The following LRP4 variants were observed in gnomAD, a reference collection of about 807,000 sequenced individuals.
LRP4 encodes the protein LDL receptor related protein 4.
LRP4 carries 95 observed loss-of-function variants against 220.3 expected under a neutral mutation model. The ratio of observed to expected loss-of-function variants is 0.43; its 90% CI spans 0.37 to 0.51. The LOEUF is 0.51. Ranked by LOEUF, LRP4 falls within the 20% of genes least tolerant of loss-of-function variation. LRP4 has a pLI of 0.00. For missense variants in LRP4, 1,925 were observed against 2,567.0 expected (o/e 0.75, Z 5.40); for synonymous variants, 903 against 954.6 (o/e 0.95, Z 1.00).
In LRP4 at chr11:46,858,950, G is replaced by A. The variant is rs190583912; in HGVS notation, c.*33C>T. The A allele has an allele frequency of 6.2e-7, 1 of 1,600,876 alleles. No homozygotes were observed. The highest frequency in any genetic ancestry group is 1.3e-5 in the African/African-American group (1 of 74,782). On this transcript the variant is annotated 3_prime_UTR_variant, in exon 38 of 38. Transcript: ENST00000378623. ...AGGACTAGACGTCCATAAAGGAGAA[G>A]GAACAGGCAGGCAGGGAAGAGAATG...
chr11:46,917,589 G>C (rs1941967186), intron 1 of LRP4, among the ~76,000 whole-genome samples: 1 of 152,136 alleles, frequency 6.6e-6, no homozygotes, highest in Non-Finnish European at 1.5e-5. Context: ...CCGGCCCCCT[G>C]CCCCCCTACC....
In LRP4 at chr11:46,899,556, C is replaced by G. The variant is rs758611098; in HGVS notation, c.431-53G>C. 84 of 1,228,316 alleles carry G rather than the reference C, an allele frequency of 6.8e-5. No homozygotes were observed. The highest frequency in any genetic ancestry group is 9.3e-5 in the Non-Finnish European group (78 of 836,264). 76.1% of individuals were successfully genotyped at this position (1,228,316 alleles called of 1,614,324 possible). ...CTGAGGGGGCCCCACAGGCAACCCTCTCACCCTCCTCTCTGACTCCCAACC... is the reference window on the plus strand; with the variant it reads ...CTGAGGGGGCCCCACAGGCAACCCTGTCACCCTCCTCTCTGACTCCCAACC... On this transcript the variant is annotated intron_variant, in intron 4 of 37. Coordinates refer to ENST00000378623, the MANE Select transcript of LRP4 (RefSeq NM_002334.4). The surrounding 1 kb of genome is among the most constrained non-coding windows in gnomAD (Gnocchi z 5.9).
At chr11:46,892,098 T>TTTA (rs1465054151) in intron 13 of LRP4, among the ~76,000 whole-genome samples, 1 of 152,016 alleles carries the variant, frequency 6.6e-6, no homozygotes, top group East Asian at 1.9e-4. Context: ...GCCAGGCTAA[T>TTTA]TTAGAAAACA....
chr11:46,899,084 G>A lies in LRP4; in HGVS notation c.548-52C>T, dbSNP rs772368450. The A allele has an allele frequency of 6.4e-7, 1 of 1,562,286 alleles. No homozygotes were observed. Among genetic ancestry groups the A allele is most frequent in the Non-Finnish European group, 8.8e-7 (1 of 1,142,132 alleles). On this transcript the variant is annotated intron_variant, in intron 5 of 37. Coordinates refer to ENST00000378623, the MANE Select transcript of LRP4 (RefSeq NM_002334.4). This position sits in a 1 kb window ranked among gnomAD's most constrained non-coding sequence, Gnocchi z 5.9. ...GGCACACACTCAGGCCTGGATGAAG[G>A]AGAGGGGCCCTGATTCCTCAAGCAG...
Position 46,873,419 on chromosome 11 carries a change from A to G in LRP4, c.4404T>C (p.Asn1468=), listed in dbSNP as rs752801557. 62 of 1,614,004 alleles carry G rather than the reference A, an allele frequency of 3.8e-5. No homozygotes were observed. The highest frequency in any genetic ancestry group is 1.2e-5 in the Non-Finnish European group (14 of 1,180,032). The change falls in exon 29 of 38, where the codon AAT becomes AAC. Residue 1468 remains asparagine (N), a synonymous_variant. Coordinates refer to ENST00000378623, the MANE Select transcript of LRP4 (RefSeq NM_002334.4). The surrounding 1 kb of genome is among the most constrained non-coding windows in gnomAD (Gnocchi z 4.2). ...DGSCRKVLIN[N]SLDEPRAIAV... The stretch of plus-strand genomic sequence containing the variant: ...CAATGGCCCGGGGCTCATCCAGGCT[A>G]TTGTTGATCAGTACTTTGCGGCAGG...
chr11:46,876,882 CA>C lies in LRP4; in HGVS notation c.3278-53del, dbSNP rs149192267. 5.1e-3 allele frequency: 6,845 copies of C among 1,340,112 alleles called. 276 individuals are homozygous for C. The African/African-American group carries it at 0.088, about 17-fold the overall frequency. 83.0% of individuals were successfully genotyped at this position (1,340,112 alleles called of 1,614,324 possible). On this transcript the variant is annotated intron_variant, in intron 23 of 37. Transcript: ENST00000378623. ...TAGACCCTCACCGCCTACAATGGGA[CA>C]CACACAGCTGATTCATGTCTTGAAA... is the stretch of plus-strand genomic sequence containing the variant.
At chr11:46,868,512 G>A in intron 33 of LRP4, 88 bp downstream of exon 33, 2 of 951,264 alleles carry the variant, frequency 2.1e-6, no homozygotes, top group Admixed American at 3.4e-5. Context: ...CCACCCAGAA[G>A]GACAGATCAG....
chr11:46,890,507 A>T lies in LRP4; in HGVS notation c.1698-13T>A. On this transcript the variant is annotated splice_polypyrimidine_tract_variant and intron_variant, in intron 13 of 37. Transcript: ENST00000378623. This position sits in a 1 kb window ranked among gnomAD's most constrained non-coding sequence, Gnocchi z 5.3. ...CCAGTAAATGGTACTAGGAAGAGAA[A>T]AGTAAATTGGGAAGTGGGCAGCAGA... is the stretch of plus-strand genomic sequence containing the variant. The T allele has an allele frequency of 6.3e-7, 1 of 1,595,828 alleles. No individual in the cohort carries two copies. The highest frequency in any genetic ancestry group is 8.6e-7 in the Non-Finnish European group (1 of 1,163,930).
Position 46,870,820 on chromosome 11 carries a change from A to T in LRP4, c.4692+705T>A, listed in dbSNP as rs114588531. 2.0e-3 allele frequency among the ~76,000 whole-genome samples: 303 copies of T among 152,336 alleles called. 2 individuals carry two copies. The highest frequency in any genetic ancestry group is 5.0e-3 in the African/African-American group (208 of 41,568). ...TTTTGTGTTAGAACTCAAAAGTGAC[A>T]GCTAATAATAATTAAAATGGGTAGC... On this transcript the variant is annotated intron_variant, in intron 31 of 37. Transcript: ENST00000378623.
chr11:46,911,698 G>C (rs1387672416), intron 1 of LRP4, among the ~76,000 whole-genome samples: 3 of 151,666 alleles, frequency 2.0e-5, no homozygotes, highest in African/African-American at 7.3e-5. Flanking sequence ...TCTGAAAACA[G>C]AGGAGAGGTC....
intron 30 of LRP4, among the ~76,000 whole-genome samples, chr11:46,872,899 G>A (rs1487499542): frequency 6.6e-6 from 1 of 152,218 alleles, no homozygotes; most frequent in African/African-American, 2.4e-5. Context: ...ATGTAAACCA[G>A]CCAAACAAAA....
At chr11:46,882,332 C>A (rs1592529549) in intron 19 of LRP4, among the ~76,000 whole-genome samples, 1 of 151,226 alleles carries the variant, frequency 6.6e-6, no homozygotes, top group East Asian at 1.9e-4. Context: ...AAAAAAAGGG[C>A]CAGATATGGT....
At chr11:46,877,419 T>G (rs1941048819) in intron 22 of LRP4, 80 bp from the exon 23 acceptor site, 1 of 1,432,970 alleles carries the variant, frequency 7.0e-7, no homozygotes, top group East Asian at 2.3e-5. Context: ...CTGAAACTCA[T>G]GCCCTGTCCC....
rs780740977 is a variant in LRP4, at chr11:46,900,326, G to A, written c.252C>T (p.Ile84=). Residue 84 remains isoleucine (I), a synonymous_variant, in exon 3 of 38, where the codon ATC becomes ATT. Transcript: ENST00000378623. ...LDFHCDNGKC[I]RRSWVCDGDN... ...CCCCGTCACACACCCAGGAGCGGCG[G>A]ATGCACTTGCCATTGTCACAGTGAA... 1.9e-5 allele frequency: 30 copies of A among 1,614,176 alleles called. No homozygotes were observed. The highest frequency in any genetic ancestry group is 2.3e-5 in the Non-Finnish European group (27 of 1,180,004).
At chr11:46,911,962 C>T (rs1941867131) in intron 1 of LRP4, among the ~76,000 whole-genome samples, 1 of 151,802 alleles carries the variant, frequency 6.6e-6, no homozygotes, top group South Asian at 2.1e-4. Flanking sequence ...CCCACCTCAG[C>T]CTCAGCCTCA....
At position 46,886,095 on chromosome 11, in the gene LRP4, A is replaced by G. The variant is rs770951546; in HGVS notation, c.2502T>C (p.Asp834=). The change falls in exon 18 of 38, where the codon GAT becomes GAC. Residue 834 remains aspartate, a synonymous_variant. Transcript: ENST00000378623. The stretch of plus-strand genomic sequence containing the variant: ...CCACGGCTCCCCTATGCATACCTGC[A>G]TCTGTCCAGTACAGTTTGTTGGTGA... ...DWVTNKLYWT[D]AGTDRIEVAN... 3 of 1,613,910 alleles carry G rather than the reference A, an allele frequency of 1.9e-6. No homozygotes were observed. The African/African-American group carries it at 4.0e-5, about 22-fold the overall frequency.
intron 1 of LRP4, among the ~76,000 whole-genome samples, chr11:46,912,645 C>G (rs1395788696): frequency 6.6e-6 from 1 of 152,234 alleles, no homozygotes; most frequent in Non-Finnish European, 1.5e-5. Context: ...CACTACCCCT[C>G]CCCACCTCCC....
At chr11:46,869,882 G>T (rs749864827) in intron 31 of LRP4, among the ~76,000 whole-genome samples, 1 of 152,154 alleles carries the variant, frequency 6.6e-6, no homozygotes, top group African/African-American at 2.4e-5. Context: ...GCCAAGGTGG[G>T]CGATCATGAG....
intron 37 of LRP4, chr11:46,861,008 A>G: frequency 1.0e-6 from 1 of 967,552 alleles, no homozygotes; most frequent in Non-Finnish European, 1.2e-6. Flanking sequence ...AGAAACACAC[A>G]ACAGAAGAAA....
Sources: allele counts gnomAD v4.1 joint callset (sites outside exome capture counted in the v4.1 genomes callset), GRCh38; gene constraint gnomAD v4.1.1; non-coding constraint Gnocchi (gnomAD v3.1); transcripts MANE v1.5; gene names NCBI Gene and HGNC (gene_info 2026-07-23, HGNC 2026-07-21).